Variants in ABCB8 observed in about 807,000 individuals in gnomAD.
ABCB8 encodes the protein ATP binding cassette subfamily B member 8.
ABCB8 carries 52 observed loss-of-function variants against 73.0 expected under a neutral mutation model. That is an observed-to-expected ratio of 0.71 (90% CI 0.57 to 0.90). The LOEUF is 0.90. Ranked by LOEUF, ABCB8 falls within the 40% of genes least tolerant of loss-of-function variation. ABCB8 has a pLI of 0.00. For missense variants in ABCB8, 909 were observed against 974.6 expected, an observed-to-expected ratio of 0.93 and a Z score of 0.90; for synonymous variants, 428 against 423.5, an observed-to-expected ratio of 1.01 and a Z score of -0.13.
In ABCB8 at chr7:151,035,775, C is replaced by G. The variant is rs73472587; in HGVS notation, c.927+33C>G. The G allele has an allele frequency of 9.2e-4, 1,481 of 1,610,784 alleles. 18 individuals carry two copies. The African/African-American group carries it at 0.018, about 19-fold the overall frequency. On this transcript the variant is annotated intron_variant, in intron 6 of 15. Transcript: ENST00000358849. ...CATTCCTGGCCATCCTCTTCACCCT[C>G]CCCACACCGTTTCTCTTTCCACTCC...
At chr7:151,033,567 C>T (rs778715000) in intron 1 of ABCB8, 38 bp from the exon 2 acceptor site, 53 of 1,521,012 alleles carry the variant, frequency 3.5e-5, no homozygotes, top group East Asian at 2.5e-4. Flanking sequence ...GGAGGGCAGT[C>T]GGAGCCTCAA....
intron 15 of ABCB8, 114 bp downstream of exon 15, chr7:151,044,335 G>C: frequency 6.7e-7 from 1 of 1,485,450 alleles, no homozygotes; most frequent in Non-Finnish European, 9.0e-7. Context: ...GGCCTTGGGG[G>C]CTATATTCTG....
At chr7:151,034,159 C>A in intron 2 of ABCB8, 114 bp from the exon 3 acceptor site, 2 of 1,312,494 alleles carry the variant, frequency 1.5e-6, no homozygotes, top group East Asian at 2.3e-5. Context: ...CCAGCCACAA[C>A]CTGGACAAGC....
chr7:151,041,367 A>C (rs1796461045), intron 13 of ABCB8, 135 bp downstream of exon 13: 1 of 1,232,292 alleles, frequency 8.1e-7, no homozygotes, highest in African/African-American at 1.5e-5. Flanking sequence ...GGCCGTCTTC[A>C]CATGTCCTCA....
In ABCB8 at chr7:151,036,603, G is replaced by A. The variant is rs774801158; in HGVS notation, c.1171G>A (p.Gly391Arg). ...CCTTGTGGCCGGACAGCAGCTGACA[G>A]GGGGAGACCTCATGTCCTTCCTGGT... Reference protein sequence around the residue: ...GSLVAGQQLTGGDLMSFLVAS... With the variant: ...GSLVAGQQLTRGDLMSFLVAS... Residue 391 changes from glycine (G) to arginine (R), a missense_variant, in exon 9 of 16, where the codon GGG (glycine) becomes AGG (arginine). Physicochemically the swap from Gly to Arg is moderately radical, Grantham distance 125. Coordinates refer to ENST00000358849, the MANE Select transcript of ABCB8 (RefSeq NM_007188.5). 7 of 1,613,246 alleles carry A rather than the reference G, an allele frequency of 4.3e-6. No individual in the cohort carries two copies. The Middle Eastern group carries it at 8.2e-4, about 190-fold the overall frequency.
rs748349957 is a variant in ABCB8, at chr7:151,034,517, T to C, written c.577T>C (p.Phe193Leu). Residue 193 changes from phenylalanine to leucine, a missense_variant, in exon 4 of 16, where the codon TTC becomes CTC. Phe to Leu is a conservative substitution (Grantham distance 22). Transcript: ENST00000358849. ...ILYGVQGLLTFGYLVLLSHVG... is the reference protein window; with the variant it reads ...ILYGVQGLLTLGYLVLLSHVG... ...GGCTCTTTCGCAGGGACTGCTGACC[T>C]TCGGGTACCTGGTGCTGCTGTCCCA... 5 of 1,613,336 alleles carry C rather than the reference T, an allele frequency of 3.1e-6. No homozygotes were observed. The African/African-American group carries it at 6.7e-5, about 22-fold the overall frequency.
intron 1 of ABCB8, among the ~76,000 whole-genome samples, chr7:151,030,881 A>G (rs556728694): frequency 2.6e-5 from 4 of 152,350 alleles, no homozygotes; most frequent in African/African-American, 9.6e-5. Flanking sequence ...TGGAGGTTGC[A>G]GTCAGCCAGC....
chr7:151,036,212 G>C, intron 8 of ABCB8, 42 bp downstream of exon 8: 1 of 1,555,474 alleles, frequency 6.4e-7, no homozygotes, highest in Non-Finnish European at 8.7e-7. Flanking sequence ...CTTGTGGGCT[G>C]GGGAGGAGCT....
At position 151,042,023 on chromosome 7, in the gene ABCB8, C is replaced by T. The variant is rs370161780; in HGVS notation, c.1680C>T (p.Ser560=). The change falls in exon 14 of 16, where the codon TCC becomes TCT. Residue 560 remains serine (S), a synonymous_variant. Coordinates refer to ENST00000358849, the MANE Select transcript of ABCB8 (RefSeq NM_007188.5). ...TCCGCTTTGGGAAGCTGGAAGCTTC[C>T]GATGAAGAGGTGTACACAGCCGCCC... ...ENIRFGKLEA[S]DEEVYTAARE... The T allele has an allele frequency of 2.6e-5, 42 of 1,612,896 alleles. No homozygotes were observed. Among genetic ancestry groups the T allele is most frequent in the African/African-American group, 8.0e-5 (6 of 74,896 alleles).
intron 2 of ABCB8, 129 bp downstream of exon 2, chr7:151,034,046 G>A: frequency 7.8e-7 from 1 of 1,286,240 alleles, no homozygotes; most frequent in African/African-American, 1.5e-5. Flanking sequence ...CAGGGGTCCA[G>A]GGGTGCCAGG....
Position 151,041,095 on chromosome 7 carries a change from C to T in ABCB8, c.1484-4C>T, listed in dbSNP as rs1482028562. ...CCTCCCTCCCTCTCAACCCAATTCC[C>T]CAGGAAAGACCACCGTGGCTTCCCT... is the stretch of plus-strand genomic sequence containing the variant. On this transcript the variant is annotated splice_polypyrimidine_tract_variant and splice_region_variant and intron_variant, in intron 12 of 15. Coordinates refer to ENST00000358849, the MANE Select transcript of ABCB8 (RefSeq NM_007188.5). The T allele has an allele frequency of 1.2e-6, 2 of 1,613,554 alleles. No homozygotes were observed. Among genetic ancestry groups the T allele is most frequent in the Non-Finnish European group, 1.7e-6 (2 of 1,180,002 alleles).
At chr7:151,041,319 C>T in intron 13 of ABCB8, 87 bp downstream of exon 13, 1 of 1,443,448 alleles carries the variant, frequency 6.9e-7, no homozygotes, top group Non-Finnish European at 9.1e-7. Context: ...CCTTTTCTTT[C>T]TTTCCCACCC....
chr7:151,035,215 C>T (rs376265324), intron 5 of ABCB8, among the ~76,000 whole-genome samples: 5 of 152,200 alleles, frequency 3.3e-5, no homozygotes, highest in African/African-American at 9.7e-5. Flanking sequence ...TCCCCTTATC[C>T]GCCCACACCG....
chr7:151,028,628 T>A lies in ABCB8; in HGVS notation c.95+18T>A, dbSNP rs766055291. 6 of 1,609,876 alleles carry A rather than the reference T, an allele frequency of 3.7e-6. No individual in the cohort carries two copies. Among genetic ancestry groups the A allele is most frequent in the Non-Finnish European group, 4.2e-6 (5 of 1,179,116 alleles). On this transcript the variant is annotated intron_variant, in intron 1 of 15. Coordinates refer to ENST00000358849, the MANE Select transcript of ABCB8 (RefSeq NM_007188.5). ...GCTGTCAGGTAAAAACGGAAAAACCTACTCAGAGCGGGCCATTGACCGCCC... is the reference window on the plus strand; with the variant it reads ...GCTGTCAGGTAAAAACGGAAAAACCAACTCAGAGCGGGCCATTGACCGCCC...
Position 151,028,585 on chromosome 7 carries a change from C to A in ABCB8, c.70C>A (p.Arg24Ser), listed in dbSNP as rs773988879. ...PFPGRLLPPL[R>S]FQTFSAVRYS... is the part of the protein sequence containing the mutation. ...CCCAGGCAGGCTGCTACCGCCCCTCCGCTTCCAGACATTCTCAGCTGTCAG... is the reference window on the plus strand; with the variant it reads ...CCCAGGCAGGCTGCTACCGCCCCTCAGCTTCCAGACATTCTCAGCTGTCAG... Residue 24 changes from arginine (R) to serine (S), a missense_variant, in exon 1 of 16, where the codon CGC (arginine) becomes AGC (serine). Coordinates refer to ENST00000358849, the MANE Select transcript of ABCB8 (RefSeq NM_007188.5). 6.2e-7 allele frequency: 1 copy of A among 1,613,920 alleles called. No homozygotes were observed.
At chr7:151,038,881 G>A (rs748716513) in intron 9 of ABCB8, 1 of 152,280 alleles carries the variant, frequency 6.6e-6, no homozygotes, top group Non-Finnish European at 1.5e-5. Flanking sequence ...AGCAGCTGAT[G>A]TGTTTCCCAC....
chr7:151,038,005 C>CT (rs1284361406), intron 9 of ABCB8: 1 of 154,602 alleles, frequency 6.5e-6, no homozygotes, highest in Non-Finnish European at 1.4e-5. Context: ...TCTGTCGTGG[C>CT]TTTGGAATTC....
At chr7:151,037,212 C>T (rs1024383819) in intron 9 of ABCB8, 32 of 703,000 alleles carry the variant, frequency 4.6e-5, no homozygotes, top group Middle Eastern at 2.3e-4. Context: ...TTTGTGACTG[C>T]GTTTTGTCAC....
At chr7:151,037,094 G>A in intron 9 of ABCB8, 2 of 699,334 alleles carry the variant, frequency 2.9e-6, no homozygotes, top group South Asian at 1.5e-5. Context: ...CATGACATGG[G>A]AATCCCCATT....
Sources: gnomAD v4.1 joint callset for allele counts (sites outside exome capture counted in the v4.1 genomes callset) on GRCh38, gnomAD v4.1.1 for gene constraint, MANE v1.5 for transcripts, NCBI Gene and HGNC (gene_info 2026-07-23, HGNC 2026-07-21) for gene names.